TRAF3: variants seen among roughly 807,000 people sequenced by gnomAD.
The protein encoded by TRAF3 is TNF receptor-associated factor 3.
Under a neutral mutation model 62.3 loss-of-function variants are expected in TRAF3, and 13 were observed. The observed-to-expected ratio is 0.21, with a 90% CI of 0.14 to 0.33. The LOEUF (loss-of-function observed/expected upper bound fraction) is 0.33. TRAF3 is among the 10% of genes least tolerant of loss of function. The pLI is 1.00. For missense variants in TRAF3, 440 were observed against 741.8 expected (o/e 0.59, Z 4.73); for synonymous variants, 269 against 283.4 (o/e 0.95, Z 0.51).
chr14:102,795,619 T>TGTGTGTGTGTGTGTGTGTGTGC (rs767401587), intron 1 of TRAF3, among the ~76,000 whole-genome samples: 1 of 151,850 alleles, frequency 6.6e-6, no homozygotes, highest in Admixed American at 6.6e-5. Context: ...TGTGTGTGTG[T>TGTGTGTGTGTGTGTGTGTGTGC]GCATAGTTTT....
intron 1 of TRAF3, among the ~76,000 whole-genome samples, chr14:102,804,547 G>T (rs1898653724): frequency 6.6e-6 from 1 of 152,044 alleles, no homozygotes; most frequent in Non-Finnish European, 1.5e-5. Context: ...GAATGTAATG[G>T]CATGATCTCA....
chr14:102,895,223 G>A (rs1889941221), intron 9 of TRAF3: 1 of 396,654 alleles, frequency 2.5e-6, no homozygotes, highest in Admixed American at 2.9e-5. Flanking sequence ...AGGAGTTCAT[G>A]GACGTATGAG....
chr14:102,819,146 C>G (rs1332527084), intron 1 of TRAF3, among the ~76,000 whole-genome samples: 1 of 152,102 alleles, frequency 6.6e-6, no homozygotes, highest in African/African-American at 2.4e-5. Flanking sequence ...TCCCTTCCCC[C>G]AAGACCCCCT....
intron 2 of TRAF3, among the ~76,000 whole-genome samples, chr14:102,842,962 C>T (rs1321633803): frequency 6.6e-6 from 1 of 152,090 alleles, no homozygotes; most frequent in Non-Finnish European, 1.5e-5. Context: ...AATCCCAGCA[C>T]TTTGGGAGGC....
intron 1 of TRAF3, among the ~76,000 whole-genome samples, chr14:102,777,917 C>T (rs1897091972): frequency 6.7e-6 from 1 of 149,732 alleles, no homozygotes; most frequent in African/African-American, 2.4e-5. Flanking sequence ...CAAACTTTGT[C>T]CCGGAGGCCG....
At chr14:102,877,418 A>T (rs1888756601) in intron 6 of TRAF3, among the ~76,000 whole-genome samples, 1 of 145,854 alleles carries the variant, frequency 6.9e-6, no homozygotes, top group East Asian at 2.1e-4. Flanking sequence ...CCTTCCGCTC[A>T]GCTCATAGAT....
At chr14:102,851,233 A>G (rs1388442203) in intron 2 of TRAF3, among the ~76,000 whole-genome samples, 1 of 152,268 alleles carries the variant, frequency 6.6e-6, no homozygotes, top group Non-Finnish European at 1.5e-5. Flanking sequence ...GGATAAAAAT[A>G]GAACTTAACT....
rs1890560676 is a variant in TRAF3 at position 102,905,847 on chromosome 14, T to C, written c.*63T>C. The C allele has an allele frequency of 2.0e-6, 3 of 1,465,714 alleles. No homozygotes were observed. Among genetic ancestry groups the C allele is most frequent in the East Asian group, 4.6e-5 (2 of 43,378 alleles). The allele number at this position is 1,465,714 out of a possible 1,614,324, so 90.8% of individuals were successfully genotyped here. A position where few individuals can be genotyped will look rare whatever the true frequency, so the allele number is the denominator to read the frequency against. ...CCTCTGGGGGATTTGAACCGGTCTG[T>C]CTTCACTGAGGTCCTCGCGCTCAGA... On this transcript the variant is annotated 3_prime_UTR_variant, in exon 12 of 12. Coordinates refer to ENST00000392745, the MANE Select transcript of TRAF3 (RefSeq NM_145725.3).
At chr14:102,873,486 A>G (rs1888462562) in intron 4 of TRAF3, among the ~76,000 whole-genome samples, 11 of 152,238 alleles carry the variant, frequency 7.2e-5, no homozygotes, top group Admixed American at 7.2e-4. Flanking sequence ...GTTATGCAGA[A>G]TCATTATCCC....
At chr14:102,814,788 G>A (rs1899418482) in intron 1 of TRAF3, among the ~76,000 whole-genome samples, 1 of 152,158 alleles carries the variant, frequency 6.6e-6, no homozygotes, top group Non-Finnish European at 1.5e-5. Flanking sequence ...CTCCCAAAGT[G>A]CTGGGATTAC....
chr14:102,904,370 A>T (rs1298550769), intron 11 of TRAF3, among the ~76,000 whole-genome samples: 2 of 152,110 alleles, frequency 1.3e-5, no homozygotes, highest in African/African-American at 4.8e-5. Context: ...AGTGATTTTT[A>T]TATTGTTGCT....
In TRAF3 at chr14:102,886,276, G is replaced by A; in HGVS notation, c.651+7G>A. ...GACTCTCCTGAGGAGCGAGGTAGGG[G>A]CGGCCGGGCCCGGCCGGGAGTCTGT... is the stretch of plus-strand genomic sequence containing the variant. On this transcript the variant is annotated splice_region_variant and intron_variant, in intron 7 of 11. Coordinates refer to ENST00000392745, the MANE Select transcript of TRAF3 (RefSeq NM_145725.3). 6.2e-7 allele frequency: 1 copy of A among 1,608,402 alleles called. No homozygotes were observed. Among genetic ancestry groups the A allele is most frequent in the Non-Finnish European group, 8.5e-7 (1 of 1,178,992 alleles).
chr14:102,891,134 T>G (rs1210706053), intron 8 of TRAF3, among the ~76,000 whole-genome samples, 191 bp from the exon 9 acceptor site: 1 of 152,206 alleles, frequency 6.6e-6, no homozygotes, highest in Non-Finnish European at 1.5e-5. Flanking sequence ...CCTGGCGGCC[T>G]CCTCACCTGC....
At chr14:102,851,168 T>G (rs1887016157) in intron 2 of TRAF3, among the ~76,000 whole-genome samples, 1 of 152,210 alleles carries the variant, frequency 6.6e-6, no homozygotes, top group Non-Finnish European at 1.5e-5. Flanking sequence ...GCACAATAAT[T>G]ATTATAAATA....
At chr14:102,860,744 C>T (rs942970950) in intron 2 of TRAF3, among the ~76,000 whole-genome samples, 2 of 152,236 alleles carry the variant, frequency 1.3e-5, no homozygotes, top group South Asian at 4.1e-4. Context: ...AAGACAAAGC[C>T]TTAACTGCTA....
chr14:102,857,392 G>T (rs1887434241), intron 2 of TRAF3, among the ~76,000 whole-genome samples: 1 of 152,164 alleles, frequency 6.6e-6, no homozygotes, highest in South Asian at 2.1e-4. Flanking sequence ...CAACTGATTT[G>T]CTTTATTATA....
intron 1 of TRAF3, among the ~76,000 whole-genome samples, chr14:102,794,737 A>G (rs917333733): frequency 5.9e-5 from 9 of 152,222 alleles, no homozygotes; most frequent in Admixed American, 3.9e-4. Context: ...GGAAATGCCA[A>G]CTGTTGTGTG....
At chr14:102,892,156 C>G (rs1889758164) in intron 9 of TRAF3, among the ~76,000 whole-genome samples, 1 of 151,372 alleles carries the variant, frequency 6.6e-6, no homozygotes, top group Non-Finnish European at 1.5e-5. Context: ...CTCCCTGGTT[C>G]AAGCAATTCT....
chr14:102,824,731 T>C (rs921901059), intron 1 of TRAF3, among the ~76,000 whole-genome samples: 4 of 152,366 alleles, frequency 2.6e-5, no homozygotes, highest in Non-Finnish European at 4.4e-5. Flanking sequence ...GCTAAATTAC[T>C]AATTTCATTA....
Sources: allele counts gnomAD v4.1 joint callset (sites outside exome capture counted in the v4.1 genomes callset), GRCh38; gene constraint gnomAD v4.1.1; transcripts MANE v1.5; gene names NCBI Gene and HGNC (gene_info 2026-07-23, HGNC 2026-07-21).